The following BRD10 variants were observed in gnomAD, a reference collection of about 807,000 sequenced individuals.
BRD10 encodes the protein uncharacterized bromodomain-containing protein 10.
the BRD10 span, among the ~76,000 whole-genome samples, chr9:5,942,194 G>C: frequency 6.6e-6 from 1 of 151,956 alleles, no homozygotes; most frequent in Non-Finnish European, 1.5e-5. Flanking sequence ...GTGAAGGAAG[G>C]CTTCCTATAT....
the BRD10 span, chr9:5,899,226 C>G: frequency 6.6e-6 from 1 of 152,146 alleles, no homozygotes; most frequent in South Asian, 2.1e-4. Flanking sequence ...ATTCCTCATT[C>G]AGCAAGCACT....
the BRD10 span, chr9:5,924,671 A>C: frequency 6.7e-6 from 10 of 1,503,058 alleles, no homozygotes; most frequent in Non-Finnish European, 8.0e-6. Context: ...AATCAAAGTG[A>C]TCTTTCTCCA....
chr9:6,001,448 C>A, the BRD10 span, among the ~76,000 whole-genome samples: 3 of 152,196 alleles, frequency 2.0e-5, no homozygotes, highest in African/African-American at 7.2e-5. Context: ...TCCTCATCAT[C>A]CTATACTCTA....
the BRD10 span, among the ~76,000 whole-genome samples, chr9:5,994,509 T>C: frequency 1.3e-5 from 2 of 152,342 alleles, no homozygotes; most frequent in South Asian, 2.1e-4. Context: ...TTCCCAGTCA[T>C]TACCTTATTC....
chr9:5,936,176 C>A, the BRD10 span, among the ~76,000 whole-genome samples: 34 of 152,080 alleles, frequency 2.2e-4, no homozygotes, highest in African/African-American at 6.5e-4. Flanking sequence ...GGAAACATGG[C>A]AAAACCCTGT....
At chr9:5,902,951 A>C in the BRD10 span, among the ~76,000 whole-genome samples, 1 of 152,176 alleles carries the variant, frequency 6.6e-6, no homozygotes, top group Admixed American at 6.5e-5. Flanking sequence ...TAATATACAC[A>C]TTCAATGTCA....
At chr9:5,920,155 T>C in the BRD10 span, 1 of 1,614,008 alleles carries the variant, frequency 6.2e-7, no homozygotes, top group Non-Finnish European at 8.5e-7. Flanking sequence ...AGGAATTATT[T>C]GATGCTAGTG....
At chr9:5,968,648 CTGCTACATCTATGTTCTCCAT>C in the BRD10 span, 1 of 1,613,908 alleles carries the variant, frequency 6.2e-7, no homozygotes, top group East Asian at 2.2e-5. Context: ...CAGGCTATCT[CTGCTACATCTATGTTCTCCAT>C]TACTTGTACT....
the BRD10 span, among the ~76,000 whole-genome samples, chr9:5,886,694 G>A: frequency 6.6e-6 from 1 of 152,222 alleles, no homozygotes; most frequent in Non-Finnish European, 1.5e-5. Context: ...ACTTGGGCTG[G>A]CTTTGGTGTG....
the BRD10 span, among the ~76,000 whole-genome samples, chr9:5,985,528 G>A: frequency 3.3e-5 from 5 of 152,194 alleles, no homozygotes; most frequent in African/African-American, 1.2e-4. Context: ...GCTCACACCT[G>A]TAATCCCAAC....
the BRD10 span, among the ~76,000 whole-genome samples, chr9:5,932,635 C>T: frequency 6.6e-6 from 1 of 152,104 alleles, no homozygotes; most frequent in African/African-American, 2.4e-5. Flanking sequence ...CTCGAACATA[C>T]ATGGATTTTG....
chr9:5,973,826 G>T, the BRD10 span, among the ~76,000 whole-genome samples: 2 of 152,206 alleles, frequency 1.3e-5, no homozygotes, highest in African/African-American at 4.8e-5. Flanking sequence ...AGGTTGCAGT[G>T]AGCTGTGTTC....
chr9:5,905,304 T>C, the BRD10 span, among the ~76,000 whole-genome samples: 1 of 152,114 alleles, frequency 6.6e-6, no homozygotes, highest in Non-Finnish European at 1.5e-5. Context: ...CCTGAAAAAC[T>C]GAGTGTTGGC....
the BRD10 span, chr9:5,944,831 T>A: frequency 6.3e-6 from 6 of 945,484 alleles, no homozygotes; most frequent in Non-Finnish European, 7.7e-6. Flanking sequence ...TAAATTTTAA[T>A]GCTGACAATA....
chr9:5,970,212 A>G, the BRD10 span, among the ~76,000 whole-genome samples: 3 of 152,234 alleles, frequency 2.0e-5, no homozygotes, highest in African/African-American at 7.2e-5. Context: ...AAACAAAACT[A>G]TGAAAAAATT....
At chr9:5,929,136 T>C in the BRD10 span, 2 of 1,591,950 alleles carry the variant, frequency 1.3e-6, no homozygotes, top group Non-Finnish European at 1.7e-6. Context: ...CTTTTACAGC[T>C]TGCCTCCGAT....
the BRD10 span, among the ~76,000 whole-genome samples, chr9:5,917,316 AGAAGACATCTGG>A: frequency 3.3e-5 from 5 of 152,246 alleles, no homozygotes; most frequent in African/African-American, 1.2e-4. Context: ...ATTAGGTCAA[AGAAGACATCTGG>A]GAAGACCTTC....
chr9:5,968,308 T>A, the BRD10 span: 4 of 1,611,078 alleles, frequency 2.5e-6, no homozygotes, highest in Non-Finnish European at 3.4e-6. Flanking sequence ...TTACATGTAT[T>A]TGGCAAGATT....
chr9:5,914,307 T>A, the BRD10 span, among the ~76,000 whole-genome samples: 1 of 152,022 alleles, frequency 6.6e-6, no homozygotes, highest in Non-Finnish European at 1.5e-5. Context: ...TACTTAATAA[T>A]TTAATCTCTT....
Sources: allele counts gnomAD v4.1 joint callset (sites outside exome capture counted in the v4.1 genomes callset), GRCh38; gene constraint gnomAD v4.1.1; transcripts MANE v1.5; gene names NCBI Gene and HGNC (gene_info 2026-07-23, HGNC 2026-07-21).